The following GPR137C variants were observed in gnomAD, a reference collection of about 807,000 sequenced individuals.
GPR137C encodes the protein integral membrane protein GPR137C.
A neutral mutation model predicts 43.4 loss-of-function variants in GPR137C; 27 were observed. That is an observed-to-expected ratio of 0.62 (90% CI 0.46 to 0.86). GPR137C has a LOEUF of 0.86. GPR137C is among the 40% of genes least tolerant of loss of function. GPR137C has a pLI of 0.00. For synonymous variants in GPR137C, 285 were observed against 226.9 expected, an observed-to-expected ratio of 1.26 and a Z score of -2.30; for missense variants, 522 against 534.6, an observed-to-expected ratio of 0.98 and a Z score of 0.23.
intron 1 of GPR137C, among the ~76,000 whole-genome samples, chr14:52,590,686 A>G (rs928259997): frequency 2.0e-5 from 3 of 152,232 alleles, no homozygotes; most frequent in Non-Finnish European, 4.4e-5. Context: ...CATTTGGTAC[A>G]GCAGTAACAT....
chr14:52,558,815 TAAAAAG>T (rs1422667587), intron 1 of GPR137C, among the ~76,000 whole-genome samples: 12 of 151,802 alleles, frequency 7.9e-5, no homozygotes, highest in Admixed American at 6.6e-4. Context: ...TAAACACAGT[TAAAAAG>T]AAATAAGTGA....
chr14:52,586,421 A>G (rs1594791482), intron 1 of GPR137C, among the ~76,000 whole-genome samples: 1 of 152,266 alleles, frequency 6.6e-6, no homozygotes, highest in East Asian at 1.9e-4. Flanking sequence ...ATTCTCTGCA[A>G]GGTACCAGTG....
chr14:52,633,379 C>T, intron 4 of GPR137C, 151 bp from the exon 5 acceptor site: 1 of 580,006 alleles, frequency 1.7e-6, no homozygotes, highest in East Asian at 2.9e-5. Context: ...AGTGTCATTT[C>T]ATGAGAAACC....
chr14:52,574,877 T>G (rs1050952876), intron 1 of GPR137C, among the ~76,000 whole-genome samples: 1 of 152,210 alleles, frequency 6.6e-6, no homozygotes, highest in Admixed American at 6.5e-5. Flanking sequence ...GCAATTCTGC[T>G]GTCTTCCTAG....
chr14:52,617,058 C>T (rs1030599584), intron 3 of GPR137C, among the ~76,000 whole-genome samples: 1 of 152,094 alleles, frequency 6.6e-6, no homozygotes, highest in Non-Finnish European at 1.5e-5. Flanking sequence ...TGGTTAAATC[C>T]TTCTTTCCTC....
intron 1 of GPR137C, among the ~76,000 whole-genome samples, chr14:52,568,828 G>A (rs775801430): frequency 3.3e-5 from 5 of 152,218 alleles, no homozygotes; most frequent in African/African-American, 9.6e-5. Flanking sequence ...CATATCCCTG[G>A]GACAGGGCAC....
chr14:52,634,798 G>T (rs2039333566), intron 6 of GPR137C, 140 bp from the exon 7 acceptor site: 3 of 689,954 alleles, frequency 4.3e-6, no homozygotes, highest in Non-Finnish European at 7.2e-6. Context: ...AAAGCATTTT[G>T]TTATTTGACA....
Position 52,621,046 on chromosome 14 carries a change from A to AT in GPR137C, c.718-11111dup, listed in dbSNP as rs1594806220. ...TTTTGGTGAAAGACATAAATTATAA[A>AT]TTTATGTCTTTCAAGCTTAGCAAAC... On this transcript the variant is annotated intron_variant, in intron 3 of 6. Transcript: ENST00000321662. 3.3e-5 allele frequency among the ~76,000 whole-genome samples: 5 copies of AT among 152,032 alleles called. No individual in the cohort carries two copies. In the East Asian group the frequency reaches 9.6e-4, roughly 29 times the overall value.
chr14:52,555,318 A>G (rs963213763), intron 1 of GPR137C, among the ~76,000 whole-genome samples: 7 of 152,162 alleles, frequency 4.6e-5, no homozygotes, highest in African/African-American at 1.7e-4. Flanking sequence ...GGTATAACAT[A>G]TACAATAAAG....
chr14:52,594,178 G>C (rs2038820491), intron 1 of GPR137C, among the ~76,000 whole-genome samples: 1 of 152,086 alleles, frequency 6.6e-6, no homozygotes. Flanking sequence ...ATTGCCCTGT[G>C]GTCTGAGACA....
chr14:52,603,819 G>T (rs1385238398), intron 3 of GPR137C, among the ~76,000 whole-genome samples: 1 of 152,042 alleles, frequency 6.6e-6, no homozygotes, highest in Non-Finnish European at 1.5e-5. Context: ...GATTACAGAT[G>T]GGAGCCACTG....
rs142832293 is a variant in GPR137C at position 52,635,138 on chromosome 14, T to C, written c.*23T>C. 5.1e-5 allele frequency: 78 copies of C among 1,523,120 alleles called. 1 individual carries two copies. The East Asian group carries it at 1.5e-3, about 29-fold the overall frequency. 94.4% of individuals were successfully genotyped at this position (1,523,120 alleles called of 1,614,324 possible). A position where few individuals can be genotyped will look rare whatever the true frequency, so the allele number is the denominator to read the frequency against. On this transcript the variant is annotated 3_prime_UTR_variant, in exon 7 of 7. Transcript: ENST00000321662. ...TGACAGCATCACCAAGTCATGATTC[T>C]TGAGTTGTTTTTCATAAATGTGTAT...
At chr14:52,604,930 T>A (rs1322511593) in intron 3 of GPR137C, among the ~76,000 whole-genome samples, 1 of 152,240 alleles carries the variant, frequency 6.6e-6, no homozygotes, top group East Asian at 1.9e-4. Context: ...TCTGTTTTTA[T>A]GCCAGTACCA....
In GPR137C at chr14:52,612,438, A is replaced by T. The variant is rs540960697; in HGVS notation, c.717+12097A>T. The stretch of plus-strand genomic sequence containing the variant: ...CCTCCATAATGTTAATTTTCTTCAA[A>T]ATCAGTTTTGTTTTGCTTTTTATTT... On this transcript the variant is annotated intron_variant, in intron 3 of 6. Coordinates refer to ENST00000321662, the MANE Select transcript of GPR137C (RefSeq NM_001099652.2). 6 of 982,874 alleles carry T rather than the reference A, an allele frequency of 6.1e-6. No individual in the cohort carries two copies. The African/African-American group carries it at 1.0e-4, about 17-fold the overall frequency. 60.9% of individuals were successfully genotyped at this position (982,874 alleles called of 1,614,324 possible).
chr14:52,609,543 G>A (rs568974697), intron 3 of GPR137C, among the ~76,000 whole-genome samples: 36 of 152,302 alleles, frequency 2.4e-4, no homozygotes, highest in African/African-American at 8.7e-4. Context: ...TTTATGCCTG[G>A]CCTTCTTCAG....
At chr14:52,624,701 G>C (rs771339537) in intron 3 of GPR137C, among the ~76,000 whole-genome samples, 1 of 144,382 alleles carries the variant, frequency 6.9e-6, no homozygotes, top group Admixed American at 7.1e-5. Flanking sequence ...TCCATCCAAC[G>C]CAACAGAGCC....
Position 52,635,488 on chromosome 14 carries a change from A to G in GPR137C, c.*373A>G. 1 of 166,784 alleles carries G rather than the reference A, an allele frequency of 6.0e-6. No individual in the cohort carries two copies. 10.3% of individuals were successfully genotyped at this position (166,784 alleles called of 1,614,324 possible). ...GTATTGTACACCAAACTGGAAGGCA[A>G]TTTTCCTATGAAAATCAAAGCCGGT... is the stretch of plus-strand genomic sequence containing the variant. On this transcript the variant is annotated 3_prime_UTR_variant, in exon 7 of 7. Coordinates refer to ENST00000321662, the MANE Select transcript of GPR137C (RefSeq NM_001099652.2).
chr14:52,636,354 A>T lies in GPR137C; in HGVS notation c.*1239A>T, dbSNP rs2039352824. 1 of 152,108 alleles carries T rather than the reference A, an allele frequency of 6.6e-6. No homozygotes were observed. Among genetic ancestry groups the T allele is most frequent in the African/African-American group, 2.4e-5 (1 of 41,450 alleles). The allele number at this position is 152,108 out of a possible 1,614,324, so 9.4% of individuals were successfully genotyped here. A position where few individuals can be genotyped will look rare whatever the true frequency, so the allele number is the denominator to read the frequency against. On this transcript the variant is annotated 3_prime_UTR_variant, in exon 7 of 7. Transcript: ENST00000321662. ...AAAAAGAAAATGGCAGGCTGAGATA[A>T]TACAGAATTTTAAAATGCACTTTGT...
intron 1 of GPR137C, among the ~76,000 whole-genome samples, chr14:52,571,687 A>C (rs1207534187): frequency 6.6e-6 from 1 of 152,140 alleles, no homozygotes; most frequent in Non-Finnish European, 1.5e-5. Context: ...TAATAACAAA[A>C]GATCCAGAGA....
Sources: gnomAD v4.1 joint callset for allele counts (sites outside exome capture counted in the v4.1 genomes callset) on GRCh38, gnomAD v4.1.1 for gene constraint, MANE v1.5 for transcripts, NCBI Gene and HGNC (gene_info 2026-07-23, HGNC 2026-07-21) for gene names.